Variants in SLC22A25 observed in about 807,000 individuals in gnomAD.
SLC22A25 encodes solute carrier family 22 member 25.
Under a neutral mutation model 45.9 loss-of-function variants are expected in SLC22A25, and 44 were observed. The ratio of observed to expected loss-of-function variants is 0.96; its 90% CI spans 0.75 to 1.23. The LOEUF (loss-of-function observed/expected upper bound fraction) is 1.23. Among genes scored for constraint, SLC22A25 ranks in the 50% most tolerant of loss-of-function variants. The pLI is 0.00. For synonymous variants in SLC22A25, 283 were observed against 238.6 expected (o/e 1.19, Z -1.72); for missense variants, 800 against 666.4 (o/e 1.20, Z -2.21).
intron 5 of SLC22A25, among the ~76,000 whole-genome samples, chr11:63,219,643 C>G (rs2089803918): frequency 6.6e-6 from 1 of 152,094 alleles, no homozygotes; most frequent in Admixed American, 6.6e-5. Context: ...TCATGGCTGT[C>G]TCTGCATATG....
intron 7 of SLC22A25, among the ~76,000 whole-genome samples, chr11:63,215,719 A>C (rs1166411496): frequency 2.0e-5 from 3 of 152,126 alleles, no homozygotes; most frequent in African/African-American, 7.2e-5. Flanking sequence ...TTCATCACCC[A>C]GGTATTAATC....
In SLC22A25 at chr11:63,183,579, A is replaced by G. The variant is rs1301986538; in HGVS notation, c.954+115T>C. The G allele has an allele frequency of 2.2e-6, 3 of 1,335,746 alleles. No individual in the cohort carries two copies. In the East Asian group the frequency reaches 7.0e-5, roughly 31 times the overall value. 82.7% of individuals were successfully genotyped at this position (1,335,746 alleles called of 1,614,324 possible). A position where few individuals can be genotyped will look rare whatever the true frequency, so the allele number is the denominator to read the frequency against. On this transcript the variant is annotated intron_variant, in intron 8 of 11. Transcript: ENST00000306494. ...CCATTGAGAATGATCGTGAGGTGAGATGACCCATAACTCTACCTGTGTTTC... is the reference window on the plus strand; with the variant it reads ...CCATTGAGAATGATCGTGAGGTGAGGTGACCCATAACTCTACCTGTGTTTC...
chr11:63,208,537 T>C (rs987681700), intron 7 of SLC22A25, among the ~76,000 whole-genome samples: 1 of 152,130 alleles, frequency 6.6e-6, no homozygotes, highest in East Asian at 1.9e-4. Flanking sequence ...TTTCATCTGA[T>C]AGGAAGTCCT....
At chr11:63,238,397 C>A (rs985807898) in intron 2 of SLC22A25, among the ~76,000 whole-genome samples, 1 of 103,922 alleles carries the variant, frequency 9.6e-6, no homozygotes, top group African/African-American at 5.8e-5. Context: ...GATCAACCTC[C>A]CAGTATTTTT....
chr11:63,202,494 T>G (rs2089277470), intron 7 of SLC22A25, among the ~76,000 whole-genome samples: 1 of 152,130 alleles, frequency 6.6e-6, no homozygotes, highest in Non-Finnish European at 1.5e-5. Context: ...TACTGAGGCT[T>G]GAGTAGGCGG....
intron 7 of SLC22A25, among the ~76,000 whole-genome samples, chr11:63,186,958 G>C (rs997329589): frequency 6.6e-6 from 1 of 152,084 alleles, no homozygotes; most frequent in Admixed American, 6.6e-5. Flanking sequence ...CCTTGTAGTA[G>C]AGTTTGAAGT....
chr11:63,207,275 T>C (rs897329438), intron 7 of SLC22A25, among the ~76,000 whole-genome samples: 1 of 152,202 alleles, frequency 6.6e-6, no homozygotes, highest in Non-Finnish European at 1.5e-5. Context: ...AAATGGGATC[T>C]AATTAAGCTA....
intron 3 of SLC22A25, among the ~76,000 whole-genome samples, chr11:63,232,887 A>T (rs2090095753): frequency 2.0e-5 from 3 of 152,146 alleles, no homozygotes. Flanking sequence ...ATCTATTGAG[A>T]TAATCATGTG....
chr11:63,219,909 A>G, intron 5 of SLC22A25: 1 of 1,288,734 alleles, frequency 7.8e-7, no homozygotes, highest in Non-Finnish European at 1.0e-6. Flanking sequence ...ACTGTCATAC[A>G]TTCAGGGTTT....
chr11:63,233,503 G>T (rs2134850902), intron 3 of SLC22A25, among the ~76,000 whole-genome samples: 1 of 152,078 alleles, frequency 6.6e-6, no homozygotes, highest in Admixed American at 6.5e-5. Context: ...ATTTTTTATT[G>T]CATCTACTTG....
In SLC22A25 at chr11:63,166,049, G is replaced by A; in HGVS notation, c.1280C>T (p.Pro427Leu). Residue 427 changes from proline (P) to leucine (L), a missense_variant, in exon 10 of 12, where the codon CCT (proline) becomes CTT (leucine). Physicochemically the swap from Pro to Leu is moderately conservative, Grantham distance 98. Coordinates refer to ENST00000306494, the MANE Select transcript of SLC22A25 (RefSeq NM_199352.6). ...CACCTGTGAACTTTTCTCACCTTGA[G>A]GCACAAATATGATGGCCAGAAGGCA... ...ATCLLAIIFV[P>L]QEMQTLRVVL... is the part of the protein sequence containing the mutation. 1 of 1,613,680 alleles carries A rather than the reference G, an allele frequency of 6.2e-7. No homozygotes were observed. Among genetic ancestry groups the A allele is most frequent in the Non-Finnish European group, 8.5e-7 (1 of 1,179,740 alleles).
chr11:63,213,901 C>T (rs752321881), intron 7 of SLC22A25, among the ~76,000 whole-genome samples: 3 of 152,268 alleles, frequency 2.0e-5, no homozygotes, highest in South Asian at 2.1e-4. Context: ...ATCCAACACT[C>T]GGTAGTCGAG....
intron 9 of SLC22A25, among the ~76,000 whole-genome samples, chr11:63,178,414 T>C (rs1319646750): frequency 6.6e-6 from 1 of 152,076 alleles, no homozygotes; most frequent in African/African-American, 2.4e-5. Flanking sequence ...ATAGTGGCTG[T>C]ACTGATTTAT....
At position 63,195,336 on chromosome 11, in the gene SLC22A25, T is replaced by C. The variant is rs375549511; in HGVS notation, c.831-11519A>G. Among the ~76,000 whole-genome samples, 213 of 152,120 alleles carry C rather than the reference T, an allele frequency of 1.4e-3. 3 individuals are homozygous for C. The East Asian group carries it at 0.036, about 26-fold the overall frequency. On this transcript the variant is annotated intron_variant, in intron 7 of 11. Transcript: ENST00000306494. The stretch of plus-strand genomic sequence containing the variant: ...GCACCACACCGCACTTATTCCAAAA[T>C]TGACCACAAAGTTGGAAGTAAAGCT...
chr11:63,183,927 T>C, intron 7 of SLC22A25, 110 bp from the exon 8 acceptor site: 1 of 1,456,740 alleles, frequency 6.9e-7, no homozygotes, highest in Non-Finnish European at 9.3e-7. Flanking sequence ...ACCTCTTGTT[T>C]GGTTATACCA....
intron 11 of SLC22A25, 64 bp downstream of exon 11, chr11:63,164,462 T>A: frequency 7.2e-7 from 1 of 1,379,866 alleles, no homozygotes; most frequent in Non-Finnish European, 1.0e-6. Flanking sequence ...TTTCCCTTGT[T>A]AAGTGTCAAT....
chr11:63,207,238 G>A (rs892453918), intron 7 of SLC22A25, among the ~76,000 whole-genome samples: 2 of 152,154 alleles, frequency 1.3e-5, no homozygotes, highest in South Asian at 2.1e-4. Flanking sequence ...AACACAAAAA[G>A]CAATGGCAAC....
chr11:63,208,688 G>A lies in SLC22A25; in HGVS notation c.830+8626C>T, dbSNP rs2089474312. On this transcript the variant is annotated intron_variant, in intron 7 of 11. Transcript: ENST00000306494. Reference sequence around the variant, plus strand: ...AAAGTGTGTGAAAGAGACAGTGTTGGGAGAGGCCAATGTGGGGAGTGACAG... The same window carrying A: ...AAAGTGTGTGAAAGAGACAGTGTTGAGAGAGGCCAATGTGGGGAGTGACAG... Among the ~76,000 whole-genome samples, 4 of 152,130 alleles carry A rather than the reference G, an allele frequency of 2.6e-5. No individual in the cohort carries two copies. In the South Asian group the frequency reaches 8.3e-4, roughly 32 times the overall value.
In SLC22A25 at chr11:63,177,793, T is replaced by TTA. The variant is rs1007873505; in HGVS notation, c.1070+2865_1070+2866dup. Among the ~76,000 whole-genome samples the TTA allele has an allele frequency of 1.2e-4, 14 of 112,378 alleles. No homozygotes were observed. The South Asian group carries it at 3.2e-3, about 26-fold the overall frequency. The allele number at this position is 112,378 out of a possible 152,430, so 73.7% of individuals were successfully genotyped here. A position where few individuals can be genotyped will look rare whatever the true frequency, so the allele number is the denominator to read the frequency against. On this transcript the variant is annotated intron_variant, in intron 9 of 11. Transcript: ENST00000306494. ...TATCTATTTCTCTCTACATATCCGA[T>TTA]TATATATATATCCAAATACATATAT...
Sources: gnomAD v4.1 joint callset for allele counts (sites outside exome capture counted in the v4.1 genomes callset) on GRCh38, gnomAD v4.1.1 for gene constraint, MANE v1.5 for transcripts, NCBI Gene and HGNC (gene_info 2026-07-23, HGNC 2026-07-21) for gene names.